TNFAIP8: variants seen among roughly 807,000 people sequenced by gnomAD.
The protein encoded by TNFAIP8 is TNF alpha induced protein 8, also known as tumor necrosis factor alpha-induced protein 8.
In TNFAIP8, 7 loss-of-function variants were observed where a neutral mutation model predicts 13.3. The ratio of observed to expected loss-of-function variants is 0.52; its 90% CI spans 0.30 to 0.99. TNFAIP8 has a LOEUF of 0.99. Ranked by LOEUF, TNFAIP8 falls within the 50% of genes least tolerant of loss-of-function variation. The pLI, the probability that TNFAIP8 is intolerant of heterozygous loss-of-function variation, is 0.07. For missense variants in TNFAIP8, 258 were observed against 236.9 expected (o/e 1.09, Z -0.58); for synonymous variants, 94 against 87.6 (o/e 1.07, Z -0.41).
At chr5:119,316,159 CTT>C (rs5870851) in intron 1 of TNFAIP8, 17 of 133,762 alleles carry the variant, frequency 1.3e-4, no homozygotes, top group Non-Finnish European at 7.9e-5. Flanking sequence ...AGTTCTTCCA[CTT>C]TTTTTTTTTT....
At chr5:119,308,392 CTTTT>C (rs57948080) in intron 1 of TNFAIP8, among the ~76,000 whole-genome samples, 24 of 129,258 alleles carry the variant, frequency 1.9e-4, no homozygotes, top group African/African-American at 6.1e-4. Flanking sequence ...CGTTTCCCAC[CTTTT>C]TTTTTTTTTT....
At chr5:119,282,535 G>C (rs1018708295) in intron 1 of TNFAIP8, among the ~76,000 whole-genome samples, 8 of 152,224 alleles carry the variant, frequency 5.3e-5, no homozygotes, top group African/African-American at 1.9e-4. Flanking sequence ...TGTTCTTGTT[G>C]TATTGCATTT....
intron 1 of TNFAIP8, among the ~76,000 whole-genome samples, chr5:119,270,707 T>G (rs1441709489): frequency 6.6e-6 from 1 of 152,262 alleles, no homozygotes; most frequent in Non-Finnish European, 1.5e-5. Context: ...GGAAGTAGAC[T>G]ACCACCTACT....
chr5:119,299,890 C>T (rs895132900), intron 1 of TNFAIP8, among the ~76,000 whole-genome samples: 52 of 152,230 alleles, frequency 3.4e-4, no homozygotes, highest in African/African-American at 1.1e-3. Context: ...AGCAAGACTC[C>T]GTGGGCGTAG....
chr5:119,296,235 C>T (rs1749171236), intron 1 of TNFAIP8, among the ~76,000 whole-genome samples: 1 of 151,886 alleles, frequency 6.6e-6, no homozygotes, highest in South Asian at 2.1e-4. Context: ...CCAGTTTTTG[C>T]CCATTCAGTA....
chr5:119,292,291 A>G (rs1749011344), intron 1 of TNFAIP8, among the ~76,000 whole-genome samples: 1 of 141,960 alleles, frequency 7.0e-6, no homozygotes, highest in African/African-American at 2.5e-5. Context: ...TTCTGGGAGG[A>G]GCAGGAATGA....
chr5:119,296,636 C>T (rs1025762838), intron 1 of TNFAIP8, among the ~76,000 whole-genome samples: 1 of 152,162 alleles, frequency 6.6e-6, no homozygotes, highest in Non-Finnish European at 1.5e-5. Context: ...TGATGCTGGC[C>T]TCATAAAACG....
rs147493898 is a variant in TNFAIP8, at chr5:119,337,157, C to T, written c.2-55659C>T. Among the ~76,000 whole-genome samples, 14 of 152,276 alleles carry T rather than the reference C, an allele frequency of 9.2e-5. No individual in the cohort carries two copies. The East Asian group carries it at 2.5e-3, about 27-fold the overall frequency. ...ATATTTGCTTGTGGAGAGAACTCAT[C>T]CTGAATTCTCTTGCCTCATTCTTTC... On this transcript the variant is annotated intron_variant, in intron 1 of 1. Coordinates refer to the TNFAIP8 transcript ENST00000274456.
intron 1 of TNFAIP8, among the ~76,000 whole-genome samples, chr5:119,269,410 T>C (rs569830855): frequency 2.0e-5 from 3 of 152,138 alleles, no homozygotes; most frequent in East Asian, 3.9e-4. Flanking sequence ...GATCATTCGG[T>C]GGAGACTTCC....
chr5:119,356,281 G>A (rs1218430436), intron 1 of TNFAIP8, among the ~76,000 whole-genome samples, 160 bp downstream of exon 1: 1 of 152,288 alleles, frequency 6.6e-6, no homozygotes, highest in East Asian at 1.9e-4. Context: ...AGCGGAGCCC[G>A]GGTCTCATCT....
intron 1 of TNFAIP8, among the ~76,000 whole-genome samples, chr5:119,270,116 G>C (rs2150797010): frequency 6.6e-6 from 1 of 152,322 alleles, no homozygotes; most frequent in African/African-American, 2.4e-5. Context: ...AAAGCTGTGT[G>C]GCCAAAGGAA....
At chr5:119,282,012 A>C (rs1403690933) in intron 1 of TNFAIP8, among the ~76,000 whole-genome samples, 1 of 152,256 alleles carries the variant, frequency 6.6e-6, no homozygotes, top group Non-Finnish European at 1.5e-5. Flanking sequence ...GAAAGAGTCT[A>C]ATGATGATGA....
chr5:119,392,934 G>A lies in TNFAIP8; in HGVS notation c.150G>A (p.Val50=). The part of the protein sequence containing the change: ...TTLIDDTSSE[V]LDELYRVTRE... Reference sequence around the variant, plus strand: ...TAATAGACGACACAAGTAGTGAGGTGCTGGATGAGCTCTACAGAGTGACCA... The same window carrying A: ...TAATAGACGACACAAGTAGTGAGGTACTGGATGAGCTCTACAGAGTGACCA... The change falls in exon 2 of 2, where the codon GTG becomes GTA. Residue 50 remains valine (V), a synonymous_variant. Coordinates refer to ENST00000504771, the MANE Select transcript of TNFAIP8 (RefSeq NM_014350.4). The A allele has an allele frequency of 6.2e-7, 1 of 1,608,148 alleles. No homozygotes were observed. The highest frequency in any genetic ancestry group is 8.5e-7 in the Non-Finnish European group (1 of 1,177,258).
At chr5:119,314,929 T>C (rs1413261220) in intron 1 of TNFAIP8, among the ~76,000 whole-genome samples, 1 of 152,222 alleles carries the variant, frequency 6.6e-6, no homozygotes, top group Non-Finnish European at 1.5e-5. Flanking sequence ...TCACCTAGGC[T>C]GGAGTGCAGT....
intron 1 of TNFAIP8, among the ~76,000 whole-genome samples, chr5:119,315,272 C>G (rs1749854761): frequency 6.6e-6 from 1 of 152,062 alleles, no homozygotes; most frequent in South Asian, 2.1e-4. Context: ...TTAGTAGGGA[C>G]AGGGTTTCAC....
chr5:119,379,537 T>C (rs906938905), intron 1 of TNFAIP8, among the ~76,000 whole-genome samples: 7 of 152,176 alleles, frequency 4.6e-5, no homozygotes, highest in Admixed American at 3.9e-4. Flanking sequence ...AGCTTTTCTT[T>C]AGTTTCTGTT....
intron 1 of TNFAIP8, among the ~76,000 whole-genome samples, chr5:119,387,153 A>C (rs550038097): frequency 6.6e-4 from 101 of 152,254 alleles, no homozygotes; most frequent in African/African-American, 2.2e-3. Flanking sequence ...ATCTCCATGT[A>C]GGGAGGTCAA....
chr5:119,388,316 T>A (rs1052166637), intron 1 of TNFAIP8, among the ~76,000 whole-genome samples: 1 of 152,224 alleles, frequency 6.6e-6, no homozygotes, highest in African/African-American at 2.4e-5. Flanking sequence ...AAATACCTGT[T>A]TTTCTACCTT....
chr5:119,286,863 G>A (rs1335175809), intron 1 of TNFAIP8, among the ~76,000 whole-genome samples: 1 of 152,114 alleles, frequency 6.6e-6, no homozygotes, highest in Non-Finnish European at 1.5e-5. Context: ...AACAACAAAT[G>A]CACAGAGCCC....
Sources: gnomAD v4.1 joint callset for allele counts (sites outside exome capture counted in the v4.1 genomes callset) on GRCh38, gnomAD v4.1.1 for gene constraint, MANE v1.5 for transcripts, NCBI Gene and HGNC (gene_info 2026-07-23, HGNC 2026-07-21) for gene names.